The following RASGEF1C variants were observed in gnomAD, a reference collection of about 807,000 sequenced individuals.
RASGEF1C encodes RasGEF domain family member 1C, also known as ras-GEF domain-containing family member 1C.
Under a neutral mutation model 58.1 loss-of-function variants are expected in RASGEF1C, and 27 were observed. The ratio of observed to expected loss-of-function variants is 0.46; its 90% CI spans 0.34 to 0.64. RASGEF1C has a LOEUF of 0.64. Ranked by LOEUF, RASGEF1C falls within the 30% of genes least tolerant of loss-of-function variation. RASGEF1C has a pLI of 0.01. For missense variants in RASGEF1C, 502 were observed against 605.1 expected (o/e 0.83, Z 1.79); for synonymous variants, 243 against 246.3 (o/e 0.99, Z 0.13).
At chr5:180,174,546 G>A (rs941810128) in intron 1 of RASGEF1C, among the ~76,000 whole-genome samples, 28 of 127,064 alleles carry the variant, frequency 2.2e-4, no homozygotes, top group African/African-American at 6.2e-4. Context: ...GTGTGCGTGT[G>A]TGCGTGTGTC....
intron 1 of RASGEF1C, among the ~76,000 whole-genome samples, chr5:180,176,400 A>C (rs1477741829): frequency 6.6e-6 from 1 of 152,194 alleles, no homozygotes; most frequent in Non-Finnish European, 1.5e-5. Context: ...ACTTCTGGCC[A>C]AGTCTCTGCT....
In RASGEF1C at chr5:180,127,675, C is replaced by T. The variant is rs755205775; in HGVS notation, c.648G>A (p.Leu216=). The T allele has an allele frequency of 3.1e-6, 5 of 1,612,836 alleles. No homozygotes were observed. In the African/African-American group the frequency reaches 5.3e-5, roughly 17 times the overall value. Residue 216 remains leucine (L), a synonymous_variant, in exon 6 of 14, where the codon CTG becomes CTA. Transcript: ENST00000361132. ...QQLTHVELER[L]RHIGPEEFVQ... ...CAAACTCCTCAGGCCCGATGTGCCG[C>T]AGCCGCTCCTGCAGGGAAGGGTGAA... is the stretch of plus-strand genomic sequence containing the variant.
intron 1 of RASGEF1C, among the ~76,000 whole-genome samples, chr5:180,187,626 T>C (rs927201892): frequency 6.6e-6 from 1 of 152,154 alleles, no homozygotes; most frequent in Non-Finnish European, 1.5e-5. Flanking sequence ...TCTGAACATA[T>C]AAATAACTCC....
intron 1 of RASGEF1C, 52 bp from the exon 2 acceptor site, chr5:180,138,110 G>C: frequency 8.9e-7 from 1 of 1,125,078 alleles, no homozygotes; most frequent in Non-Finnish European, 1.2e-6. Context: ...CCTGAGTTGG[G>C]TGCACCTGAG....
intron 1 of RASGEF1C, among the ~76,000 whole-genome samples, chr5:180,147,827 G>A (rs1174835625): frequency 6.6e-6 from 1 of 152,172 alleles, no homozygotes; most frequent in Non-Finnish European, 1.5e-5. Context: ...ATTGTGTTGT[G>A]TAAGTCTTTT....
chr5:180,186,101 G>GAAAAAAAAAAAAAAAA (rs35778456), intron 1 of RASGEF1C, among the ~76,000 whole-genome samples: 1 of 81,174 alleles, frequency 1.2e-5, no homozygotes, highest in Admixed American at 1.6e-4. Flanking sequence ...TATCTCCACA[G>GAAAAAAAAAAAAAAAA]AAAAAAAAAA....
intron 1 of RASGEF1C, among the ~76,000 whole-genome samples, chr5:180,172,002 G>C (rs529463487): frequency 2.0e-5 from 3 of 152,152 alleles, no homozygotes; most frequent in Admixed American, 6.5e-5. Context: ...GGGGTCAGTG[G>C]GTGCACTAAA....
chr5:180,118,760 A>ACCCGGCAG (rs1370763379), intron 9 of RASGEF1C, 27 bp downstream of exon 9: 1 of 1,613,876 alleles, frequency 6.2e-7, no homozygotes, highest in East Asian at 2.2e-5. Context: ...GGCCGGAGGC[A>ACCCGGCAG]CCCGGCAGCC....
intron 1 of RASGEF1C, among the ~76,000 whole-genome samples, chr5:180,206,995 G>GT (rs1179008523): frequency 1.3e-5 from 2 of 152,194 alleles, no homozygotes; most frequent in Non-Finnish European, 2.9e-5. Context: ...CTTTTTAATA[G>GT]TTCTGACCTT....
rs1561730907 is a variant in RASGEF1C, at chr5:180,113,088, AGAGGGACTGGGGATGGACG to A, written c.1179+1339_1179+1357del. 2.9e-4 allele frequency among the ~76,000 whole-genome samples: 4 copies of A among 13,958 alleles called. 1 individual carries two copies. The highest frequency in any genetic ancestry group is 1.1e-3 in the African/African-American group (4 of 3,492). 9.2% of individuals were successfully genotyped at this position (13,958 alleles called of 152,430 possible). A position where few individuals can be genotyped will look rare whatever the true frequency, so the allele number is the denominator to read the frequency against. On this transcript the variant is annotated intron_variant, in intron 11 of 13. Coordinates refer to ENST00000361132, the MANE Select transcript of RASGEF1C (RefSeq NM_175062.4). The stretch of plus-strand genomic sequence containing the variant: ...CTGGACGGAGGGACCGGGGATGGAC[AGAGGGACTGGGGATGGACG>A]GAGGGACCGGGGATGGACGGAGGGA...
At chr5:180,174,910 G>A (rs1447795066) in intron 1 of RASGEF1C, among the ~76,000 whole-genome samples, 2 of 152,222 alleles carry the variant, frequency 1.3e-5, no homozygotes, top group African/African-American at 4.8e-5. Flanking sequence ...TCACGAGACT[G>A]TCCCACCCCT....
At chr5:180,172,056 T>C (rs547925862) in intron 1 of RASGEF1C, among the ~76,000 whole-genome samples, 7 of 152,206 alleles carry the variant, frequency 4.6e-5, no homozygotes, top group Non-Finnish European at 8.8e-5. Flanking sequence ...CTTACATTCA[T>C]AGGAATAAAA....
chr5:180,102,177 T>C (rs745547311), intron 12 of RASGEF1C, 34 bp from the exon 13 acceptor site: 4 of 1,292,776 alleles, frequency 3.1e-6, no homozygotes, highest in Non-Finnish European at 3.4e-6. Context: ...TTCACAATTA[T>C]GGTTGATGAT....
chr5:180,121,592 C>T (rs1013929828), intron 6 of RASGEF1C, among the ~76,000 whole-genome samples: 3 of 151,594 alleles, frequency 2.0e-5, no homozygotes, highest in African/African-American at 7.3e-5. Flanking sequence ...GGATTACAGG[C>T]GTGAGCCACT....
At chr5:180,179,954 C>T (rs1767296709) in intron 1 of RASGEF1C, among the ~76,000 whole-genome samples, 1 of 152,144 alleles carries the variant, frequency 6.6e-6, no homozygotes, top group Non-Finnish European at 1.5e-5. Flanking sequence ...CTTTTACCAA[C>T]AGAAAGAAAA....
At position 180,197,400 on chromosome 5, in the gene RASGEF1C, G is replaced by A. The variant is rs766708604; in HGVS notation, c.-7+11628C>T. ...AGAAGGCCTGGGGGTTAACAGAGAGGCACTCCTGGCTGAGCCTAGCTCAGG... is the reference window on the plus strand; with the variant it reads ...AGAAGGCCTGGGGGTTAACAGAGAGACACTCCTGGCTGAGCCTAGCTCAGG... On this transcript the variant is annotated intron_variant, in intron 1 of 13. Transcript: ENST00000361132. The surrounding 1 kb of genome is among the most constrained non-coding windows in gnomAD (Gnocchi z 4.7). Among the ~76,000 whole-genome samples, 7 of 152,210 alleles carry A rather than the reference G, an allele frequency of 4.6e-5. No individual in the cohort carries two copies. Among genetic ancestry groups the A allele is most frequent in the Admixed American group, 6.5e-5 (1 of 15,280 alleles).
chr5:180,173,513 A>ATGTATCTG (rs1270825494), intron 1 of RASGEF1C, among the ~76,000 whole-genome samples: 1 of 152,234 alleles, frequency 6.6e-6, no homozygotes, highest in East Asian at 1.9e-4. Context: ...CTAGCTGGAG[A>ATGTATCTG]TGTATCTGTC....
intron 7 of RASGEF1C, 35 bp from the exon 8 acceptor site, chr5:180,119,483 C>T (rs878914322): frequency 6.5e-6 from 10 of 1,526,840 alleles, no homozygotes; most frequent in South Asian, 5.6e-5. Flanking sequence ...AGTGGTGACA[C>T]GCCTCCACCC....
At chr5:180,151,656 A>G (rs112665303) in intron 1 of RASGEF1C, among the ~76,000 whole-genome samples, 61 of 151,704 alleles carry the variant, frequency 4.0e-4, no homozygotes, top group African/African-American at 1.3e-3. Context: ...ACATAGGCAT[A>G]GGCAAGGACT....
Sources: gnomAD v4.1 joint callset for allele counts (sites outside exome capture counted in the v4.1 genomes callset) on GRCh38, gnomAD v4.1.1 for gene constraint, Gnocchi (gnomAD v3.1) non-coding constraint, MANE v1.5 for transcripts, NCBI Gene and HGNC (gene_info 2026-07-23, HGNC 2026-07-21) for gene names.